Variants in PPM1L observed in about 807,000 individuals in gnomAD.
PPM1L encodes protein phosphatase, Mg2+/Mn2+ dependent 1L.
Under a neutral mutation model 31.4 loss-of-function variants are expected in PPM1L, and 13 were observed. That is an observed-to-expected ratio of 0.41 (90% CI 0.27 to 0.66). PPM1L has a LOEUF of 0.66. Ranked by LOEUF, PPM1L falls within the 30% of genes least tolerant of loss-of-function variation. The probability of loss-of-function intolerance (pLI) is 0.29; values close to 1 mark genes in which losing one functional copy is unlikely to be tolerated. For missense variants in PPM1L, 326 were observed against 453.7 expected (o/e 0.72, Z 2.56); for synonymous variants, 184 against 175.4 (o/e 1.05, Z -0.39).
chr3:160,934,092 AT>A (rs1714878369), intron 1 of PPM1L, among the ~76,000 whole-genome samples: 2 of 152,262 alleles, frequency 1.3e-5, no homozygotes, highest in Admixed American at 6.5e-5. Flanking sequence ...AGTTGAAGAT[AT>A]GAAAATAAGA....
intron 1 of PPM1L, among the ~76,000 whole-genome samples, chr3:160,769,754 C>T (rs1321339972): frequency 6.6e-6 from 1 of 151,924 alleles, no homozygotes; most frequent in African/African-American, 2.4e-5. Context: ...ATTTGTTGGT[C>T]AAATTCAGTA....
intron 1 of PPM1L, among the ~76,000 whole-genome samples, chr3:160,862,884 A>T (rs1053169102): frequency 2.6e-5 from 4 of 152,172 alleles, no homozygotes; most frequent in African/African-American, 4.8e-5. Context: ...CTCTCAGTTT[A>T]ATTTTCCTTT....
chr3:160,939,048 A>G (rs1715071879), intron 1 of PPM1L, among the ~76,000 whole-genome samples: 3 of 152,218 alleles, frequency 2.0e-5, no homozygotes, highest in Non-Finnish European at 4.4e-5. Context: ...TATGTTTGAG[A>G]GTCATAATGA....
intron 2 of PPM1L, among the ~76,000 whole-genome samples, chr3:160,999,512 G>A (rs910215602): frequency 1.3e-5 from 2 of 152,200 alleles, no homozygotes; most frequent in East Asian, 3.8e-4. Flanking sequence ...GCCTTCACTT[G>A]TGCTCAGTGT....
intron 1 of PPM1L, among the ~76,000 whole-genome samples, chr3:160,804,772 A>C (rs1712547753): frequency 6.6e-6 from 1 of 152,258 alleles, no homozygotes; most frequent in Non-Finnish European, 1.5e-5. Context: ...TAATTGCCAT[A>C]CATGGGGGCT....
intron 1 of PPM1L, among the ~76,000 whole-genome samples, chr3:160,793,174 G>A (rs768126978): frequency 6.6e-6 from 1 of 152,150 alleles, no homozygotes; most frequent in Non-Finnish European, 1.5e-5. Context: ...TTGGAAGGAA[G>A]TCACTACATG....
At chr3:160,824,996 A>G (rs1212232144) in intron 1 of PPM1L, among the ~76,000 whole-genome samples, 2 of 151,998 alleles carry the variant, frequency 1.3e-5, no homozygotes, top group Admixed American at 6.6e-5. Context: ...ATTCCATTTT[A>G]TGCTCCAGAG....
intron 1 of PPM1L, among the ~76,000 whole-genome samples, chr3:160,915,136 T>C (rs571259021): frequency 2.1e-4 from 32 of 152,246 alleles, no homozygotes; most frequent in African/African-American, 6.7e-4. Flanking sequence ...TTGCAGGTGA[T>C]ATGATTGTAT....
intron 2 of PPM1L, among the ~76,000 whole-genome samples, chr3:161,059,059 ATT>A (rs1468742361): frequency 1.3e-5 from 2 of 152,202 alleles, no homozygotes; most frequent in Non-Finnish European, 2.9e-5. Context: ...CATAATTTGC[ATT>A]TGTGTGTCTT....
At chr3:161,006,690 T>C (rs1198664029) in intron 2 of PPM1L, among the ~76,000 whole-genome samples, 1 of 148,332 alleles carries the variant, frequency 6.7e-6, no homozygotes, top group Non-Finnish European at 1.5e-5. Context: ...CTTTTTTTTT[T>C]TTTTTTTTTT....
chr3:160,880,830 CT>C (rs1712687999), intron 1 of PPM1L, among the ~76,000 whole-genome samples: 1 of 152,136 alleles, frequency 6.6e-6, no homozygotes, highest in African/African-American at 2.4e-5. Context: ...ATTTCCACCC[CT>C]CTCCACCCAG....
At chr3:160,770,572 C>G (rs1285112929) in intron 1 of PPM1L, among the ~76,000 whole-genome samples, 1 of 152,110 alleles carries the variant, frequency 6.6e-6, no homozygotes, top group Non-Finnish European at 1.5e-5. Context: ...ACAGGAAGAA[C>G]AAATACTGTA....
chr3:160,937,623 A>G (rs1715021317), intron 1 of PPM1L, among the ~76,000 whole-genome samples: 1 of 151,988 alleles, frequency 6.6e-6, no homozygotes, highest in Non-Finnish European at 1.5e-5. Flanking sequence ...CCGTCTCAAA[A>G]AAAAACAAAA....
rs183189649 is a variant in PPM1L at position 161,014,538 on chromosome 3, G to C, written c.575-50865G>C. ...CACCAAGGCTGGAGTGCAGTGGCAC[G>C]ATCTCAGCTCACTGCAACATCCGCC... On this transcript the variant is annotated intron_variant, in intron 2 of 3. Transcript: ENST00000498165. Among the ~76,000 whole-genome samples the C allele has an allele frequency of 6.4e-3, 931 of 146,556 alleles. 9 individuals are homozygous for C. The highest frequency in any genetic ancestry group is 0.023 in the African/African-American group (899 of 39,222).
chr3:160,762,558 C>CT (rs200669595), intron 1 of PPM1L, among the ~76,000 whole-genome samples: 7 of 151,962 alleles, frequency 4.6e-5, no homozygotes, highest in African/African-American at 1.2e-4. Context: ...GAGAGATGAG[C>CT]TTTTTTTAAA....
intron 2 of PPM1L, among the ~76,000 whole-genome samples, chr3:161,015,978 A>C (rs949609917): frequency 6.6e-5 from 10 of 152,140 alleles, no homozygotes; most frequent in Non-Finnish European, 1.5e-4. Flanking sequence ...AATCCCATGG[A>C]AAGGAGAGAT....
chr3:161,050,460 T>A (rs1719237767), intron 2 of PPM1L, among the ~76,000 whole-genome samples: 1 of 152,212 alleles, frequency 6.6e-6, no homozygotes, highest in Non-Finnish European at 1.5e-5. Flanking sequence ...AAAGTTTTTT[T>A]AAAAATTCAA....
At chr3:160,978,736 A>T (rs1716692449) in intron 2 of PPM1L, among the ~76,000 whole-genome samples, 1 of 152,088 alleles carries the variant, frequency 6.6e-6, no homozygotes, top group Non-Finnish European at 1.5e-5. Context: ...AGGCTGATGC[A>T]GGAAGATTGC....
intron 1 of PPM1L, among the ~76,000 whole-genome samples, chr3:160,909,016 T>C (rs1713861184): frequency 1.3e-5 from 2 of 152,154 alleles, no homozygotes; most frequent in Non-Finnish European, 2.9e-5. Context: ...GAGTGAAGGG[T>C]GTTCAGAAAC....
Sources: allele counts gnomAD v4.1 joint callset (sites outside exome capture counted in the v4.1 genomes callset), GRCh38; gene constraint gnomAD v4.1.1; transcripts MANE v1.5; gene names NCBI Gene and HGNC (gene_info 2026-07-23, HGNC 2026-07-21).